The following TMC1 variants were observed in gnomAD, a reference collection of about 807,000 sequenced individuals.
The protein encoded by TMC1 is transmembrane channel-like protein 1.
In TMC1, 84 loss-of-function variants were observed where a neutral mutation model predicts 105.8. That is an observed-to-expected ratio of 0.79 (90% confidence interval 0.67 to 0.95). The LOEUF (loss-of-function observed/expected upper bound fraction) is 0.95. Among genes scored for constraint, TMC1 ranks in the 40% least tolerant of loss-of-function variants. The pLI, the probability that TMC1 is intolerant of heterozygous loss-of-function variation, is 0.00. For missense variants in TMC1, 817 were observed against 914.1 expected (o/e 0.89, Z 1.37); for synonymous variants, 315 against 311.5 (o/e 1.01, Z -0.12).
chr9:72,780,150 C>G (rs899602663), intron 13 of TMC1, among the ~76,000 whole-genome samples: 8 of 152,158 alleles, frequency 5.3e-5, no homozygotes, highest in African/African-American at 1.9e-4. Context: ...AATTTCATAT[C>G]GAGCCTAACT....
At position 72,807,412 on chromosome 9, in the gene TMC1, A is replaced by G. The variant is rs552767678; in HGVS notation, c.1695+1902A>G. 3.6e-4 allele frequency among the ~76,000 whole-genome samples: 55 copies of G among 152,366 alleles called. 1 individual carries two copies. In the South Asian group the frequency reaches 0.011, roughly 31 times the overall value. ...GTGCAATAAATGAAGACCAATGAGT[A>G]CATTTATAATGCAGAGAAGTTCAGA... On this transcript the variant is annotated intron_variant, in intron 18 of 23. Transcript: ENST00000297784.
chr9:72,806,868 C>T (rs867249769), intron 18 of TMC1, among the ~76,000 whole-genome samples: 4 of 152,220 alleles, frequency 2.6e-5, no homozygotes, highest in Admixed American at 1.3e-4. Context: ...GGGTGGCAGC[C>T]GAGCAGAGGC....
chr9:72,642,486 T>C (rs923776582), intron 4 of TMC1, among the ~76,000 whole-genome samples: 3 of 152,222 alleles, frequency 2.0e-5, no homozygotes, highest in Non-Finnish European at 4.4e-5. Context: ...ATAGTAAAGC[T>C]ATCAGGTAGG....
At chr9:72,613,161 C>T (rs1240941998) in intron 2 of TMC1, among the ~76,000 whole-genome samples, 17 of 137,736 alleles carry the variant, frequency 1.2e-4, no homozygotes, top group African/African-American at 3.0e-4. Context: ...GATGGAGTTT[C>T]GCTCTTGTTT....
intron 1 of TMC1, among the ~76,000 whole-genome samples, chr9:72,548,131 A>G (rs1823802460): frequency 6.6e-6 from 1 of 152,228 alleles, no homozygotes; most frequent in South Asian, 2.1e-4. Context: ...GGGTACACAA[A>G]CATTCAATCC....
intron 20 of TMC1, among the ~76,000 whole-genome samples, chr9:72,826,508 A>T (rs1478473788): frequency 6.6e-6 from 1 of 152,258 alleles, no homozygotes; most frequent in East Asian, 1.9e-4. Flanking sequence ...AAAAATACTT[A>T]GCTCAAAGAG....
intron 1 of TMC1, among the ~76,000 whole-genome samples, chr9:72,540,553 C>T (rs1587945754): frequency 6.6e-6 from 1 of 152,222 alleles, no homozygotes; most frequent in African/African-American, 2.4e-5. Flanking sequence ...TATTCCTTTC[C>T]GATCTTTATC....
chr9:72,728,379 G>A lies in TMC1; in HGVS notation c.363-11740G>A, dbSNP rs576221034. Among the ~76,000 whole-genome samples the A allele has an allele frequency of 3.9e-5, 6 of 152,286 alleles. No individual in the cohort carries two copies. In the East Asian group the frequency reaches 9.6e-4, roughly 24 times the overall value. On this transcript the variant is annotated intron_variant, in intron 8 of 23. Coordinates refer to ENST00000297784, the MANE Select transcript of TMC1 (RefSeq NM_138691.3). ...ACTGATAAGTCTGGAATAGTCTTCA[G>A]TGATTAACTTCTGTCCTTCCAGGTA...
chr9:72,830,956 G>A (rs918790996), intron 23 of TMC1, among the ~76,000 whole-genome samples: 3 of 151,964 alleles, frequency 2.0e-5, no homozygotes, highest in South Asian at 2.1e-4. Context: ...TTGAAAATGC[G>A]CAGAAAATGA....
chr9:72,817,771 AAT>A (rs1305423923), intron 19 of TMC1, among the ~76,000 whole-genome samples: 2 of 152,126 alleles, frequency 1.3e-5, no homozygotes, highest in Non-Finnish European at 2.9e-5. Context: ...TTCATATTGA[AAT>A]TCTTAAATAT....
chr9:72,639,527 A>G (rs1293966078), intron 4 of TMC1, among the ~76,000 whole-genome samples: 3 of 152,194 alleles, frequency 2.0e-5, no homozygotes, highest in South Asian at 2.1e-4. Flanking sequence ...ACAGTTTTCT[A>G]AAGATTTTCT....
chr9:72,713,876 ATCTT>A (rs1017771720), intron 8 of TMC1, among the ~76,000 whole-genome samples: 6 of 151,608 alleles, frequency 4.0e-5, no homozygotes, highest in Non-Finnish European at 7.4e-5. Context: ...TCGATTTTAG[ATCTT>A]TCTTTCTTTC....
intron 2 of TMC1, among the ~76,000 whole-genome samples, chr9:72,598,236 C>T (rs1241754224): frequency 6.6e-6 from 1 of 152,150 alleles, no homozygotes; most frequent in Non-Finnish European, 1.5e-5. Flanking sequence ...GGGAAATCTA[C>T]TCACATATCC....
At chr9:72,624,397 A>G (rs927067191) in intron 3 of TMC1, among the ~76,000 whole-genome samples, 2 of 151,910 alleles carry the variant, frequency 1.3e-5, no homozygotes, top group African/African-American at 4.8e-5. Context: ...GTCCACATAC[A>G]TTTTTTTCCC....
chr9:72,796,811 A>G (rs1391999397), intron 17 of TMC1, among the ~76,000 whole-genome samples: 1 of 152,174 alleles, frequency 6.6e-6, no homozygotes, highest in African/African-American at 2.4e-5. Flanking sequence ...GAAAACCAGC[A>G]CGAGACAAGG....
At chr9:72,559,116 ATGGAGTC>A (rs1455325038) in intron 1 of TMC1, among the ~76,000 whole-genome samples, 8 of 148,192 alleles carry the variant, frequency 5.4e-5, no homozygotes, top group African/African-American at 1.5e-4. Context: ...TTTTTTTGAG[ATGGAGTC>A]TTGCTTCGTC....
At chr9:72,522,303 G>T (rs778290103) in intron 1 of TMC1, among the ~76,000 whole-genome samples, 1 of 152,010 alleles carries the variant, frequency 6.6e-6, no homozygotes, top group African/African-American at 2.4e-5. Flanking sequence ...GGGTTTCGCC[G>T]TGTTAGCCAG....
At chr9:72,676,286 T>G (rs1336963685) in intron 5 of TMC1, among the ~76,000 whole-genome samples, 2 of 152,154 alleles carry the variant, frequency 1.3e-5, no homozygotes, top group East Asian at 3.8e-4. Flanking sequence ...ATGGGATATT[T>G]CTACTTGTAG....
chr9:72,831,429 CTA>C (rs200803296), intron 23 of TMC1, among the ~76,000 whole-genome samples: 5 of 150,576 alleles, frequency 3.3e-5, no homozygotes, highest in Admixed American at 1.3e-4. Flanking sequence ...TTTCTTTTTT[CTA>C]TATATATATA....
Sources: allele counts gnomAD v4.1 joint callset (sites outside exome capture counted in the v4.1 genomes callset), GRCh38; gene constraint gnomAD v4.1.1; transcripts MANE v1.5; gene names NCBI Gene and HGNC (gene_info 2026-07-23, HGNC 2026-07-21).